USP30: variants seen among roughly 807,000 people sequenced by gnomAD.
USP30 encodes the protein ubiquitin specific peptidase 30, also known as ubiquitin carboxyl-terminal hydrolase 30.
Under a neutral mutation model 68.2 loss-of-function variants are expected in USP30, and 41 were observed. The ratio of observed to expected loss-of-function variants is 0.60; its 90% CI spans 0.47 to 0.78. The LOEUF is 0.78. USP30 is among the 30% of genes least tolerant of loss of function. The pLI is 0.00. For synonymous variants in USP30, 229 were observed against 253.7 expected (o/e 0.90, Z 0.93); for missense variants, 522 against 649.4 (o/e 0.80, Z 2.13).
intron 3 of USP30, among the ~76,000 whole-genome samples, chr12:109,030,670 G>T (rs2040474279): frequency 6.6e-6 from 1 of 152,188 alleles, no homozygotes. Context: ...AGGCTGGAGT[G>T]CAGTGGCGCT....
chr12:109,063,878 C>CT (rs1341130766), intron 3 of USP30, among the ~76,000 whole-genome samples: 25,111 of 127,232 alleles, frequency 0.2, 2,738 homozygotes, highest in African/African-American at 0.25. Context: ...AATTGGGTTT[C>CT]TTTTTTTTTT....
At chr12:109,026,627 C>T (rs1473416106) in intron 2 of USP30, among the ~76,000 whole-genome samples, 1 of 151,398 alleles carries the variant, frequency 6.6e-6, no homozygotes, top group Non-Finnish European at 1.5e-5. Flanking sequence ...ACCACCATGC[C>T]CACCTAATTT....
In USP30 at chr12:109,086,250, G is replaced by A; in HGVS notation, c.*319G>A. ...CCACCGTTTTCATATTGTAATGTTA[G>A]GTGTTCTCAGAGGGGAGGTACCTTT... On this transcript the variant is annotated 3_prime_UTR_variant, in exon 13 of 13. Coordinates refer to ENST00000257548, the MANE Select transcript of USP30 (RefSeq NM_032663.5). The A allele has an allele frequency of 4.1e-6, 1 of 246,070 alleles. No individual in the cohort carries two copies. Among genetic ancestry groups the A allele is most frequent in the Non-Finnish European group, 7.8e-6 (1 of 127,490 alleles). The allele number at this position is 246,070 out of a possible 1,614,324, so 15.2% of individuals were successfully genotyped here. A position where few individuals can be genotyped will look rare whatever the true frequency, so the allele number is the denominator to read the frequency against.
At chr12:109,025,581 A>C (rs2040439260) in intron 2 of USP30, among the ~76,000 whole-genome samples, 1 of 152,196 alleles carries the variant, frequency 6.6e-6, no homozygotes, top group African/African-American at 2.4e-5. Flanking sequence ...AAATTGAGAA[A>C]ACAAAAACTA....
At position 109,072,403 on chromosome 12, in the gene USP30, G is replaced by T. The variant is rs1404268406; in HGVS notation, c.625+53G>T. On this transcript the variant is annotated intron_variant, in intron 6 of 12. Coordinates refer to ENST00000257548, the MANE Select transcript of USP30 (RefSeq NM_032663.5). ...CATAAGATGTGGACTTTTAAGATAT[G>T]ATAATAATTTGCTTGTTTTAAAAAG... is the stretch of plus-strand genomic sequence containing the variant. 3.8e-6 allele frequency: 6 copies of T among 1,559,050 alleles called. No homozygotes were observed. The South Asian group carries it at 4.5e-5, about 12-fold the overall frequency.
In USP30 at chr12:109,056,741, G is replaced by C. The variant is rs760391784; in HGVS notation, c.143G>C (p.Gly48Ala). 6.2e-7 allele frequency: 1 copy of C among 1,613,060 alleles called. No homozygotes were observed. Among genetic ancestry groups the C allele is most frequent in the East Asian group, 2.2e-5 (1 of 44,836 alleles). Residue 48 changes from glycine (G) to alanine (A), a missense_variant, in exon 2 of 13, where the codon GGA (glycine) becomes GCA (alanine). Coordinates refer to ENST00000257548, the MANE Select transcript of USP30 (RefSeq NM_032663.5). The stretch of plus-strand genomic sequence containing the variant: ...GGAATTGCTGCTGCTCTTGCAGCAG[G>C]AATATATGTTATTTGGGGTCCCATT... ...IGGIAAALAA[G>A]IYVIWGPITE...
intron 3 of USP30, among the ~76,000 whole-genome samples, chr12:109,064,418 A>G (rs1433050733): frequency 6.6e-6 from 1 of 152,014 alleles, no homozygotes; most frequent in Non-Finnish European, 1.5e-5. Context: ...GTGTGCACCC[A>G]TCACCCCCGG....
chr12:109,034,355 T>C (rs1360885212), intron 3 of USP30, among the ~76,000 whole-genome samples: 1 of 151,978 alleles, frequency 6.6e-6, no homozygotes. Context: ...TTTCAATTCT[T>C]TTAAATTTTG....
chr12:109,067,615 A>G lies in USP30; in HGVS notation c.468A>G (p.Ser156=). 1 of 1,614,048 alleles carries G rather than the reference A, an allele frequency of 6.2e-7. No homozygotes were observed. Among genetic ancestry groups the G allele is most frequent in the Non-Finnish European group, 8.5e-7 (1 of 1,179,908 alleles). Residue 156 remains serine, a synonymous_variant, in exon 4 of 13, where the codon TCA becomes TCG. Coordinates refer to ENST00000257548, the MANE Select transcript of USP30 (RefSeq NM_032663.5). ...VLRMYRWQIS[S]FEEQDAHELF... is the part of the protein sequence containing the mutation. ...GAATGTACAGATGGCAGATCTCATC[A>G]TTTGAAGAACAGGTGAGTACAACAT...
Position 109,045,815 on chromosome 12 carries a change from G to A in USP30, c.-135-1775G>A, listed in dbSNP as rs536084036. Among the ~76,000 whole-genome samples the A allele has an allele frequency of 1.1e-3, 161 of 152,232 alleles. 2 individuals are homozygous for A. In the South Asian group the frequency reaches 0.018, roughly 17 times the overall value. On this transcript the variant is annotated intron_variant, in intron 3 of 15. Transcript: ENST00000392784. Reference sequence around the variant, plus strand: ...TCCAGAGAAACAGAATCAATAGAACGCGTGTGTATGTGTGTGTATGCACAC... The same window carrying A: ...TCCAGAGAAACAGAATCAATAGAACACGTGTGTATGTGTGTGTATGCACAC...
rs2041419762 is a variant in USP30 at position 109,070,927 on chromosome 12, C to T, written c.481-685C>T. Among the ~76,000 whole-genome samples, 1 of 152,212 alleles carries T rather than the reference C, an allele frequency of 6.6e-6. No homozygotes were observed. Among genetic ancestry groups the T allele is most frequent in the Non-Finnish European group, 1.5e-5 (1 of 68,048 alleles). On this transcript the variant is annotated intron_variant, in intron 4 of 12. Coordinates refer to ENST00000257548, the MANE Select transcript of USP30 (RefSeq NM_032663.5). This position sits in a 1 kb window ranked among gnomAD's most constrained non-coding sequence, Gnocchi z 4.0. ...TAAATAGGTAAACAAAACTTTCATA[C>T]AATGGAATATTATTCAGCCTTAAAA...
At chr12:109,082,085 C>T in intron 9 of USP30, 66 bp downstream of exon 9, 2 of 1,513,476 alleles carry the variant, frequency 1.3e-6, no homozygotes, top group South Asian at 2.3e-5. Context: ...GCCTCTCACA[C>T]CAGTGACCCT....
intron 2 of USP30, among the ~76,000 whole-genome samples, chr12:109,025,515 G>T (rs1451644162): frequency 6.6e-6 from 1 of 152,030 alleles, no homozygotes. Context: ...AAAATAGATG[G>T]TATTGGGAAA....
At chr12:109,067,709 C>A in intron 4 of USP30, 82 bp downstream of exon 4, 2 of 1,201,622 alleles carry the variant, frequency 1.7e-6, no homozygotes, top group Non-Finnish European at 2.4e-6. Flanking sequence ...ATTGCCTGGC[C>A]CCAGTGTACA....
At chr12:109,032,239 G>T (rs1385816651) in intron 3 of USP30, among the ~76,000 whole-genome samples, 1 of 152,116 alleles carries the variant, frequency 6.6e-6, no homozygotes, top group African/African-American at 2.4e-5. Context: ...AGGAGGCAGA[G>T]GTTGCAGTGA....
At chr12:109,041,073 C>T (rs557810319) in intron 3 of USP30, among the ~76,000 whole-genome samples, 5 of 152,332 alleles carry the variant, frequency 3.3e-5, no homozygotes, top group East Asian at 1.9e-4. Context: ...TCTGTTTCCT[C>T]ATCAGTCAAC....
chr12:109,025,408 C>G lies in USP30; in HGVS notation c.-228+336C>G, dbSNP rs140263989. Among the ~76,000 whole-genome samples the G allele has an allele frequency of 1.1e-4, 17 of 152,082 alleles. No homozygotes were observed. In the East Asian group the frequency reaches 3.1e-3, roughly 28 times the overall value. Reference sequence around the variant, plus strand: ...TCTATCCGGAGAGCTCTGACTAATACAGTGCTTATCATTATGTTGCTCTCT... The same window carrying G: ...TCTATCCGGAGAGCTCTGACTAATAGAGTGCTTATCATTATGTTGCTCTCT... On this transcript the variant is annotated intron_variant, in intron 2 of 15. Coordinates refer to the USP30 transcript ENST00000392784.
chr12:109,057,478 C>T (rs2040913614), intron 2 of USP30, among the ~76,000 whole-genome samples: 1 of 152,068 alleles, frequency 6.6e-6, no homozygotes, highest in Admixed American at 6.6e-5. Flanking sequence ...TGGTGTCTTT[C>T]CCAGTGATTG....
chr12:109,087,265 T>A lies in USP30; in HGVS notation c.*1334T>A, dbSNP rs1466375093. On this transcript the variant is annotated 3_prime_UTR_variant, in exon 13 of 13. Transcript: ENST00000257548. Reference sequence around the variant, plus strand: ...GACTCATCAGAGGTAAGATTTGGAATCAGACCTTTCCAAAAGGTCATCTGA... The same window carrying A: ...GACTCATCAGAGGTAAGATTTGGAAACAGACCTTTCCAAAAGGTCATCTGA... 2 of 152,298 alleles carry A rather than the reference T, an allele frequency of 1.3e-5. No homozygotes were observed. The highest frequency in any genetic ancestry group is 2.1e-4 in the South Asian group (1 of 4,824). The allele number at this position is 152,298 out of a possible 1,614,324, so 9.4% of individuals were successfully genotyped here. A position where few individuals can be genotyped will look rare whatever the true frequency, so the allele number is the denominator to read the frequency against.
Sources: gnomAD v4.1 joint callset for allele counts (sites outside exome capture counted in the v4.1 genomes callset) on GRCh38, gnomAD v4.1.1 for gene constraint, Gnocchi (gnomAD v3.1) non-coding constraint, MANE v1.5 for transcripts, NCBI Gene and HGNC (gene_info 2026-07-23, HGNC 2026-07-21) for gene names.